Variants in GADL1 observed in about 807,000 individuals in gnomAD.
The protein encoded by GADL1 is acidic amino acid decarboxylase GADL1.
A neutral mutation model predicts 69.5 loss-of-function variants in GADL1; 71 were observed. The ratio of observed to expected loss-of-function variants is 1.02; its 90% CI spans 0.84 to 1.25. The LOEUF (loss-of-function observed/expected upper bound fraction) is 1.25. Among genes scored for constraint, GADL1 ranks in the 50% most tolerant of loss-of-function variants. The pLI, the probability that GADL1 is intolerant of heterozygous loss-of-function variation, is 0.00. For missense variants in GADL1, 737 were observed against 631.8 expected (o/e 1.17, Z -1.79); for synonymous variants, 254 against 214.4 (o/e 1.18, Z -1.62).
intron 14 of GADL1, among the ~76,000 whole-genome samples, chr3:30,770,339 A>G (rs1418081666): frequency 1.3e-5 from 2 of 152,222 alleles, no homozygotes; most frequent in African/African-American, 2.4e-5. Context: ...GGAATTCAGA[A>G]TTATTTCACG....
chr3:30,731,788 A>G (rs1695461052), intron 14 of GADL1, among the ~76,000 whole-genome samples: 2 of 152,222 alleles, frequency 1.3e-5, no homozygotes, highest in Non-Finnish European at 2.9e-5. Flanking sequence ...ATTAATTCCT[A>G]CAGGCAGTTA....
chr3:30,864,212 G>A (rs956353798), intron 1 of GADL1, among the ~76,000 whole-genome samples: 1 of 151,916 alleles, frequency 6.6e-6, no homozygotes, highest in Admixed American at 6.6e-5. Flanking sequence ...GGTTATGTGA[G>A]TAGGCAGTGC....
intron 4 of GADL1, among the ~76,000 whole-genome samples, chr3:30,852,162 A>T (rs1698157645): frequency 6.6e-6 from 1 of 152,162 alleles, no homozygotes; most frequent in South Asian, 2.1e-4. Context: ...ACTATGTATC[A>T]CCTACTATTT....
At chr3:30,820,929 CCAA>C (rs879364453) in intron 11 of GADL1, among the ~76,000 whole-genome samples, 67 of 151,904 alleles carry the variant, frequency 4.4e-4, no homozygotes, top group Non-Finnish European at 8.1e-4. Flanking sequence ...ACCCAAATGT[CCAA>C]CAATGATAGA....
At chr3:30,754,710 C>T (rs193055046) in intron 14 of GADL1, among the ~76,000 whole-genome samples, 102 of 152,194 alleles carry the variant, frequency 6.7e-4, no homozygotes, top group African/African-American at 2.4e-3. Flanking sequence ...TTCTAAAAGC[C>T]GTGGCTGACA....
intron 14 of GADL1, among the ~76,000 whole-genome samples, chr3:30,745,822 C>G (rs1559485225): frequency 1.3e-5 from 2 of 152,094 alleles, no homozygotes; most frequent in African/African-American, 2.4e-5. Flanking sequence ...CATTCTCTGC[C>G]TGATTTAACG....
intron 1 of GADL1, among the ~76,000 whole-genome samples, chr3:30,867,488 T>C (rs758357066): frequency 6.2e-5 from 9 of 145,496 alleles, no homozygotes; most frequent in Non-Finnish European, 1.1e-4. Context: ...GTACTTACTA[T>C]GTGCCAGGCC....
At chr3:30,869,175 A>G (rs1183529677) in intron 1 of GADL1, among the ~76,000 whole-genome samples, 1 of 151,808 alleles carries the variant, frequency 6.6e-6, no homozygotes, top group Non-Finnish European at 1.5e-5. Flanking sequence ...AACTGAAGAT[A>G]TATTTTCTCT....
chr3:30,854,859 T>A, intron 3 of GADL1, 70 bp from the exon 4 acceptor site: 2 of 748,646 alleles, frequency 2.7e-6, no homozygotes, highest in Non-Finnish European at 4.5e-6. Flanking sequence ...AGCATTAACA[T>A]AAATGAATCT....
intron 14 of GADL1, among the ~76,000 whole-genome samples, chr3:30,748,843 A>T (rs1695753827): frequency 6.6e-6 from 1 of 152,170 alleles, no homozygotes; most frequent in South Asian, 2.1e-4. Context: ...TCCTCAATTT[A>T]TTTATTTATT....
chr3:30,797,448 C>T (rs58203339), intron 12 of GADL1, among the ~76,000 whole-genome samples: 11,466 of 152,136 alleles, frequency 0.075, 1,378 homozygotes, highest in African/African-American at 0.26. Flanking sequence ...GTAGGACATC[C>T]CAGGCATTGA....
At chr3:30,862,893 G>T (rs4245896) in intron 1 of GADL1, among the ~76,000 whole-genome samples, 51,067 of 151,474 alleles carry the variant, frequency 0.34, 9,033 homozygotes, top group East Asian at 0.67. Context: ...TTTCATTCTT[G>T]CAGCATCTTG....
intron 14 of GADL1, among the ~76,000 whole-genome samples, chr3:30,735,810 T>C (rs1695534039): frequency 6.6e-6 from 1 of 152,170 alleles, no homozygotes; most frequent in South Asian, 2.1e-4. Flanking sequence ...CTTGAAGCTT[T>C]TCTTCCTGGT....
Position 30,844,381 on chromosome 3 carries a change from C to T in GADL1, c.731+6G>A, listed in dbSNP as rs1375616901. The T allele has an allele frequency of 1.2e-6, 2 of 1,609,176 alleles. No homozygotes were observed. Among genetic ancestry groups the T allele is most frequent in the Non-Finnish European group, 1.7e-6 (2 of 1,175,620 alleles). On this transcript the variant is annotated splice_donor_region_variant and intron_variant, in intron 7 of 14. Transcript: ENST00000282538. ...CCACCAGGCTTCCAGATCCTGTTCC[C>T]ATTACCTTCCATCTGTTTCCACAAA... is the stretch of plus-strand genomic sequence containing the variant.
At chr3:30,868,352 A>G (rs1164850029) in intron 1 of GADL1, among the ~76,000 whole-genome samples, 1 of 152,022 alleles carries the variant, frequency 6.6e-6, no homozygotes, top group Non-Finnish European at 1.5e-5. Flanking sequence ...TGATCTCACC[A>G]ACTCTCAACA....
chr3:30,864,180 G>A (rs1031229479), intron 1 of GADL1, among the ~76,000 whole-genome samples: 8 of 152,096 alleles, frequency 5.3e-5, no homozygotes, highest in Admixed American at 2.0e-4. Context: ...GTAAGAAAGA[G>A]AGCAATTATT....
intron 14 of GADL1, among the ~76,000 whole-genome samples, chr3:30,760,038 G>A (rs1696090632): frequency 1.3e-5 from 2 of 152,194 alleles, no homozygotes; most frequent in African/African-American, 4.8e-5. Context: ...AGATTCATGA[G>A]TGATAAATGC....
chr3:30,847,677 G>A (rs1188378123), intron 6 of GADL1, among the ~76,000 whole-genome samples: 3 of 152,300 alleles, frequency 2.0e-5, no homozygotes, highest in East Asian at 3.9e-4. Flanking sequence ...CAGTGTGCTC[G>A]AAGTGATGTA....
intron 14 of GADL1, among the ~76,000 whole-genome samples, chr3:30,758,643 A>G (rs890412463): frequency 5.8e-4 from 89 of 152,232 alleles, no homozygotes; most frequent in Non-Finnish European, 1.0e-4. Flanking sequence ...GAATATATCA[A>G]CTTGGTGGAA....
Sources: allele counts gnomAD v4.1 joint callset (sites outside exome capture counted in the v4.1 genomes callset), GRCh38; gene constraint gnomAD v4.1.1; transcripts MANE v1.5; gene names NCBI Gene and HGNC (gene_info 2026-07-23, HGNC 2026-07-21).